The following FRMD4A variants were observed in gnomAD, a reference collection of about 807,000 sequenced individuals.
The protein encoded by FRMD4A is FERM domain-containing protein 4A.
FRMD4A carries 29 observed loss-of-function variants against 129.1 expected under a neutral mutation model. That is an observed-to-expected ratio of 0.22 (90% CI 0.17 to 0.31). FRMD4A has a LOEUF of 0.31. FRMD4A is among the 10% of genes least tolerant of loss of function. FRMD4A has a pLI of 1.00. For missense variants in FRMD4A, 1,272 were observed against 1,375.8 expected (o/e 0.92, Z 1.19); for synonymous variants, 634 against 571.6 (o/e 1.11, Z -1.56).
chr10:14,243,972 C>T (rs1303100329), intron 2 of FRMD4A, among the ~76,000 whole-genome samples: 1 of 152,050 alleles, frequency 6.6e-6, no homozygotes, highest in Non-Finnish European at 1.5e-5. Flanking sequence ...TGGTCAAAGG[C>T]CTTCTTCTTT....
chr10:14,206,764 G>C (rs1422653044), intron 2 of FRMD4A, among the ~76,000 whole-genome samples: 5 of 121,018 alleles, frequency 4.1e-5, no homozygotes, highest in Non-Finnish European at 4.8e-5. Context: ...CTGAGATCGC[G>C]CCACTACACT....
At chr10:14,027,435 A>T (rs905156537) in intron 2 of FRMD4A, among the ~76,000 whole-genome samples, 87 of 152,252 alleles carry the variant, frequency 5.7e-4, no homozygotes, top group African/African-American at 2.1e-3. Context: ...GACCAATATG[A>T]TGAAACCCTG....
intron 5 of FRMD4A, among the ~76,000 whole-genome samples, chr10:13,785,662 T>TGCA (rs965981099): frequency 2.0e-5 from 3 of 152,238 alleles, no homozygotes; most frequent in African/African-American, 7.2e-5. Flanking sequence ...AGGGTACACA[T>TGCA]GCACAACGTG....
intron 2 of FRMD4A, among the ~76,000 whole-genome samples, chr10:14,138,900 AT>A (rs1260558491): frequency 6.6e-6 from 1 of 152,176 alleles, no homozygotes; most frequent in Non-Finnish European, 1.5e-5. Context: ...CTGTTTGTAG[AT>A]AGCCATTGTC....
chr10:14,046,324 C>A (rs1405007868), intron 2 of FRMD4A, among the ~76,000 whole-genome samples: 1 of 152,140 alleles, frequency 6.6e-6, no homozygotes, highest in Non-Finnish European at 1.5e-5. Context: ...AGTTGTGACA[C>A]TTTTCTCTAT....
At chr10:13,759,127 G>A (rs1005960028) in intron 8 of FRMD4A, among the ~76,000 whole-genome samples, 2 of 152,098 alleles carry the variant, frequency 1.3e-5, no homozygotes, top group African/African-American at 4.8e-5. Flanking sequence ...CACCCCCACC[G>A]TCCATGGTGT....
intron 2 of FRMD4A, among the ~76,000 whole-genome samples, chr10:14,088,631 GA>G (rs1302599784): frequency 6.6e-6 from 1 of 151,418 alleles, no homozygotes; most frequent in Non-Finnish European, 1.5e-5. Context: ...AGCCGGACGT[GA>G]TGGCGCATGC....
chr10:14,266,098 T>C lies in FRMD4A; in HGVS notation c.45+63960A>G, dbSNP rs569148791. ...CCAGTGAACTGAACGGGTGTGGGTT[T>C]CGAGCAGCTTTCCCAACCTCGGCAC... On this transcript the variant is annotated intron_variant, in intron 2 of 24. Transcript: ENST00000357447. 1.3e-4 allele frequency among the ~76,000 whole-genome samples: 19 copies of C among 144,920 alleles called. No homozygotes were observed. The East Asian group carries it at 4.1e-3, about 32-fold the overall frequency.
chr10:14,194,928 G>C (rs1388824200), intron 2 of FRMD4A, among the ~76,000 whole-genome samples: 1 of 151,990 alleles, frequency 6.6e-6, no homozygotes, highest in Admixed American at 6.6e-5. Flanking sequence ...TTCAGATACT[G>C]TTAGCTTGAA....
intron 12 of FRMD4A, among the ~76,000 whole-genome samples, chr10:13,734,008 A>G (rs2090473444): frequency 6.6e-6 from 1 of 152,132 alleles, no homozygotes; most frequent in South Asian, 2.1e-4. Context: ...AGGCACCTGG[A>G]TGTCCCATCA....
intron 2 of FRMD4A, among the ~76,000 whole-genome samples, chr10:14,010,576 A>G (rs2095678121): frequency 7.0e-6 from 1 of 143,872 alleles, no homozygotes; most frequent in African/African-American, 2.4e-5. Context: ...AAGGCTCTCA[A>G]AGGTTGCTGG....
chr10:13,861,501 TG>T (rs2094294148), intron 2 of FRMD4A, among the ~76,000 whole-genome samples: 1 of 152,174 alleles, frequency 6.6e-6, no homozygotes, highest in South Asian at 2.1e-4. Context: ...GTTATAACAA[TG>T]ACTTAGCAGC....
At chr10:14,328,649 T>C (rs1564468796) in intron 2 of FRMD4A, among the ~76,000 whole-genome samples, 1 of 151,176 alleles carries the variant, frequency 6.6e-6, no homozygotes, top group Non-Finnish European at 1.5e-5. Context: ...TGTGTGTGTG[T>C]GTGTGTGTGT....
chr10:14,062,583 G>A (rs561796775), intron 2 of FRMD4A, among the ~76,000 whole-genome samples: 5 of 152,182 alleles, frequency 3.3e-5, no homozygotes, highest in Non-Finnish European at 4.4e-5. Context: ...GGTCTCATTG[G>A]CAAGACCATC....
At chr10:14,199,121 C>G (rs1425873245) in intron 2 of FRMD4A, among the ~76,000 whole-genome samples, 1 of 151,902 alleles carries the variant, frequency 6.6e-6, no homozygotes, top group African/African-American at 2.4e-5. Flanking sequence ...TTTAATTTTA[C>G]TGGTTTTATA....
chr10:14,021,818 A>G (rs560789065), intron 2 of FRMD4A, among the ~76,000 whole-genome samples: 1 of 152,124 alleles, frequency 6.6e-6, no homozygotes, highest in African/African-American at 2.4e-5. Context: ...CAAATTACAA[A>G]CAAAAAAGAG....
chr10:14,194,788 T>C (rs1842427344), intron 2 of FRMD4A, among the ~76,000 whole-genome samples: 1 of 151,858 alleles, frequency 6.6e-6, no homozygotes, highest in African/African-American at 2.4e-5. Flanking sequence ...TATTATTCTA[T>C]TTATAGTATT....
intron 2 of FRMD4A, among the ~76,000 whole-genome samples, chr10:14,309,319 T>C (rs1465177869): frequency 1.3e-5 from 2 of 152,096 alleles, no homozygotes; most frequent in Non-Finnish European, 2.9e-5. Flanking sequence ...GTGTAATGGC[T>C]CACATCTCTA....
chr10:13,721,144 G>T (rs146628687), intron 12 of FRMD4A, among the ~76,000 whole-genome samples: 1 of 152,256 alleles, frequency 6.6e-6, no homozygotes, highest in Non-Finnish European at 1.5e-5. Flanking sequence ...CTGAATCCTA[G>T]TCTGGATTAA....
Sources: allele counts gnomAD v4.1 joint callset (sites outside exome capture counted in the v4.1 genomes callset), GRCh38; gene constraint gnomAD v4.1.1; transcripts MANE v1.5; gene names NCBI Gene and HGNC (gene_info 2026-07-23, HGNC 2026-07-21).